The following RAPGEF5 variants were observed in gnomAD, a reference collection of about 807,000 sequenced individuals.
RAPGEF5 encodes M-Ras-regulated GEF.
Under a neutral mutation model 125.2 loss-of-function variants are expected in RAPGEF5, and 65 were observed. The observed-to-expected ratio is 0.52, with a 90% CI of 0.43 to 0.64. The LOEUF (loss-of-function observed/expected upper bound fraction) is 0.64. Ranked by LOEUF, RAPGEF5 falls within the 30% of genes least tolerant of loss-of-function variation. The pLI is 0.00. For missense variants in RAPGEF5, 958 were observed against 1,048.1 expected (o/e 0.91, Z 1.19); for synonymous variants, 391 against 385.9 (o/e 1.01, Z -0.16).
chr7:22,285,408 T>C (rs954303016), intron 6 of RAPGEF5, among the ~76,000 whole-genome samples: 1 of 152,142 alleles, frequency 6.6e-6, no homozygotes, highest in African/African-American at 2.4e-5. Context: ...CTTAAACAAG[T>C]CTCTAAACCT....
At chr7:22,280,193 A>AG (rs1256226927) in intron 6 of RAPGEF5, among the ~76,000 whole-genome samples, 1 of 152,164 alleles carries the variant, frequency 6.6e-6, no homozygotes, top group Admixed American at 6.5e-5. Flanking sequence ...GGCCTCATAC[A>AG]GGAAAAAAAA....
At chr7:22,189,052 TAAA>T (rs11434267) in intron 11 of RAPGEF5, among the ~76,000 whole-genome samples, 1 of 126,156 alleles carries the variant, frequency 7.9e-6, no homozygotes, top group African/African-American at 2.9e-5. Context: ...CTCATGAAAT[TAAA>T]AAAAAAAAAA....
intron 11 of RAPGEF5, among the ~76,000 whole-genome samples, chr7:22,180,227 A>C (rs984146569): frequency 1.3e-5 from 2 of 152,162 alleles, no homozygotes; most frequent in Non-Finnish European, 2.9e-5. Context: ...CTATTTACAA[A>C]ATTACATGCC....
chr7:22,200,880 T>C (rs1462509989), intron 9 of RAPGEF5, among the ~76,000 whole-genome samples: 1 of 152,234 alleles, frequency 6.6e-6, no homozygotes, highest in African/African-American at 2.4e-5. Flanking sequence ...GACTGTAGCA[T>C]CTTGAAATAT....
intron 7 of RAPGEF5, among the ~76,000 whole-genome samples, chr7:22,237,798 G>C (rs1474812087): frequency 6.6e-6 from 1 of 152,144 alleles, no homozygotes; most frequent in Non-Finnish European, 1.5e-5. Flanking sequence ...AGTAATACCA[G>C]CACCTGGAAT....
At chr7:22,174,717 G>C (rs1046873204) in intron 11 of RAPGEF5, among the ~76,000 whole-genome samples, 2 of 127,698 alleles carry the variant, frequency 1.6e-5, no homozygotes, top group African/African-American at 5.4e-5. Flanking sequence ...ACAGGAAAAG[G>C]GAAGTGAAGG....
At position 22,154,495 on chromosome 7, in the gene RAPGEF5, T is replaced by C; in HGVS notation, c.1746A>G (p.Ala582=). ...TGGCCACCAGAGCCAGATCCTCTTC[T>C]GCATACTGGATCTTTTCTGCCACGA... ...LKVVAEKIQY[A]EEDLALVAIT... is the part of the protein sequence containing the mutation. Residue 582 remains alanine (A), a synonymous_variant, in exon 17 of 26, where the codon GCA becomes GCG. Transcript: ENST00000665637. 6.2e-7 allele frequency: 1 copy of C among 1,613,900 alleles called. No individual in the cohort carries two copies. The highest frequency in any genetic ancestry group is 8.5e-7 in the Non-Finnish European group (1 of 1,179,830).
Position 22,157,797 on chromosome 7 carries a change from G to A in RAPGEF5, c.1557+58C>T, listed in dbSNP as rs553827584. 3 of 1,538,534 alleles carry A rather than the reference G, an allele frequency of 1.9e-6. No homozygotes were observed. The Admixed American group carries it at 5.0e-5, about 26-fold the overall frequency. ...TTAATTATGAAACACGCCAAGGGAGGCAAGGCAAGGTCTCCAAACCGGATC... is the reference window on the plus strand; with the variant it reads ...TTAATTATGAAACACGCCAAGGGAGACAAGGCAAGGTCTCCAAACCGGATC... On this transcript the variant is annotated intron_variant, in intron 15 of 25. Coordinates refer to ENST00000665637, the MANE Select transcript of RAPGEF5 (RefSeq NM_012294.5).
intron 11 of RAPGEF5, among the ~76,000 whole-genome samples, chr7:22,183,268 CAAAAAAAAAAAAAA>C (rs757079018): frequency 3.2e-5 from 1 of 30,964 alleles, no homozygotes; most frequent in African/African-American, 8.0e-5. Context: ...GACTCCATCA[CAAAAAAAAAAAAAA>C]AAAAAAAAAA....
intron 21 of RAPGEF5, among the ~76,000 whole-genome samples, chr7:22,137,219 A>T (rs1241680898): frequency 6.6e-6 from 1 of 152,218 alleles, no homozygotes; most frequent in Non-Finnish European, 1.5e-5. Flanking sequence ...ATGATTCAGG[A>T]ATCTAGTTGG....
At chr7:22,193,799 A>AGAGG in intron 10 of RAPGEF5, 116 bp downstream of exon 10, 2 of 1,608,476 alleles carry the variant, frequency 1.2e-6, no homozygotes, top group East Asian at 2.2e-5. Flanking sequence ...GAGAGAAAAG[A>AGAGG]GAGGGAGGGA....
chr7:22,317,989 G>T lies in RAPGEF5; in HGVS notation c.280C>A (p.Gln94Lys). 1 of 1,548,204 alleles carries T rather than the reference G, an allele frequency of 6.5e-7. No homozygotes were observed. Among genetic ancestry groups the T allele is most frequent in the Non-Finnish European group, 8.7e-7 (1 of 1,146,398 alleles). Residue 94 changes from glutamine to lysine, a missense_variant and splice_region_variant, in exon 2 of 26, where the codon CAG becomes AAG. Physicochemically the swap from Gln to Lys is moderately conservative, Grantham distance 53. Transcript: ENST00000665637. ...SNPYLEHTPS[Q>K]IYGENSSCAG... ...AGTAAAAGAGAAAGGAATCATACCT[G>T]GGAAGGCGTATGTTCAAGGTACGGA...
At chr7:22,343,923 G>GA (rs1307094121) in intron 1 of RAPGEF5, among the ~76,000 whole-genome samples, 9 of 152,162 alleles carry the variant, frequency 5.9e-5, no homozygotes, top group African/African-American at 2.2e-4. Context: ...AGCAGGGGCA[G>GA]AAAAAACATT....
intron 16 of RAPGEF5, 27 bp from the exon 17 acceptor site, chr7:22,154,631 A>G: frequency 6.2e-7 from 1 of 1,608,428 alleles, no homozygotes; most frequent in Admixed American, 1.7e-5. Context: ...AATTGTTTGG[A>G]AACAGAGAAC....
chr7:22,247,018 C>T (rs1232844151), intron 7 of RAPGEF5, among the ~76,000 whole-genome samples: 1 of 152,174 alleles, frequency 6.6e-6, no homozygotes, highest in Non-Finnish European at 1.5e-5. Context: ...TAAATCAAAA[C>T]TCCAATGAGT....
At chr7:22,182,121 C>T (rs1784692149) in intron 11 of RAPGEF5, among the ~76,000 whole-genome samples, 1 of 152,192 alleles carries the variant, frequency 6.6e-6, no homozygotes, top group Non-Finnish European at 1.5e-5. Context: ...CAAAAAAACA[C>T]TTTGTTCCCC....
chr7:22,331,744 CAA>C (rs11406166), intron 1 of RAPGEF5, among the ~76,000 whole-genome samples: 4 of 94,896 alleles, frequency 4.2e-5, no homozygotes, highest in Admixed American at 1.2e-4. Flanking sequence ...GACTCCATCT[CAA>C]AAAAAAAAAA....
At chr7:22,223,656 C>T (rs904079319) in intron 8 of RAPGEF5, among the ~76,000 whole-genome samples, 5 of 152,136 alleles carry the variant, frequency 3.3e-5, no homozygotes, top group African/African-American at 7.2e-5. Context: ...TAAAGATCTA[C>T]TCTCAGGAAG....
chr7:22,274,556 C>T (rs1175621367), intron 6 of RAPGEF5, among the ~76,000 whole-genome samples: 1 of 152,104 alleles, frequency 6.6e-6, no homozygotes, highest in Non-Finnish European at 1.5e-5. Context: ...TCTTAAACTC[C>T]TGGGCTCAAG....
Sources: gnomAD v4.1 joint callset for allele counts (sites outside exome capture counted in the v4.1 genomes callset) on GRCh38, gnomAD v4.1.1 for gene constraint, MANE v1.5 for transcripts, NCBI Gene and HGNC (gene_info 2026-07-23, HGNC 2026-07-21) for gene names.